The following FAM168B variants were observed in gnomAD, a reference collection of about 807,000 sequenced individuals.
The protein encoded by FAM168B is family with sequence similarity 168 member B.
A neutral mutation model predicts 21.8 loss-of-function variants in FAM168B; 19 were observed. That is an observed-to-expected ratio of 0.87 (90% CI 0.61 to 1.28). FAM168B has a LOEUF of 1.28. Among genes scored for constraint, FAM168B ranks in the 50% most tolerant of loss-of-function variants. The pLI, the probability that FAM168B is intolerant of heterozygous loss-of-function variation, is 0.00. For missense variants in FAM168B, 233 were observed against 263.1 expected, an observed-to-expected ratio of 0.89 and a Z score of 0.79; for synonymous variants, 126 against 104.8, an observed-to-expected ratio of 1.20 and a Z score of -1.24.
chr2:131,061,454 C>T (rs537738101), intron 3 of FAM168B, among the ~76,000 whole-genome samples: 3 of 151,920 alleles, frequency 2.0e-5, no homozygotes, highest in African/African-American at 7.2e-5. Flanking sequence ...GCTGAAAGGG[C>T]CCACGGATCA....
chr2:131,086,340 G>T lies in FAM168B; in HGVS notation c.-11-3683C>A, dbSNP rs1360476532. ...CAAAGGCCACAGAGAAAACAAAATG[G>T]CAAGTCACAATCTCTTCTGAGTTTT... On this transcript the variant is annotated intron_variant, in intron 1 of 6. Coordinates refer to ENST00000389915, the MANE Select transcript of FAM168B (RefSeq NM_001009993.4). 3.9e-5 allele frequency among the ~76,000 whole-genome samples: 6 copies of T among 152,058 alleles called. No homozygotes were observed. In the South Asian group the frequency reaches 6.2e-4, roughly 16 times the overall value.
chr2:131,092,036 T>A (rs532483322), intron 1 of FAM168B, among the ~76,000 whole-genome samples: 20 of 149,136 alleles, frequency 1.3e-4, no homozygotes, highest in Non-Finnish European at 2.4e-4. Flanking sequence ...CCCAGCTACT[T>A]GGGAGGCTGA....
At chr2:131,078,889 G>A (rs1440783698) in intron 2 of FAM168B, among the ~76,000 whole-genome samples, 1 of 151,920 alleles carries the variant, frequency 6.6e-6, no homozygotes, top group East Asian at 1.9e-4. Context: ...GGGAGGCTGA[G>A]GCAGGAGGAT....
In FAM168B at chr2:131,050,015, G is replaced by A; in HGVS notation, c.*2450C>T. On this transcript the variant is annotated 3_prime_UTR_variant, in exon 7 of 7. Coordinates refer to ENST00000389915, the MANE Select transcript of FAM168B (RefSeq NM_001009993.4). ...AAATTTCAAAGTCAGAAAGATTTCT[G>A]CACGGATGTGCAATGCAAACTTATT... 1.0e-5 allele frequency: 10 copies of A among 985,446 alleles called. No individual in the cohort carries two copies. The highest frequency in any genetic ancestry group is 1.2e-5 in the Non-Finnish European group (10 of 829,938). 61.0% of individuals were successfully genotyped at this position (985,446 alleles called of 1,614,324 possible). A position where few individuals can be genotyped will look rare whatever the true frequency, so the allele number is the denominator to read the frequency against.
At chr2:131,076,418 T>C (rs1435731619) in intron 2 of FAM168B, among the ~76,000 whole-genome samples, 2 of 151,884 alleles carry the variant, frequency 1.3e-5, no homozygotes, top group South Asian at 2.1e-4. Context: ...TCCCAGCACT[T>C]TGGGAGGCCG....
chr2:131,055,242 A>G (rs764101499), intron 5 of FAM168B, 30 bp downstream of exon 5: 3 of 1,508,080 alleles, frequency 2.0e-6, no homozygotes, highest in African/African-American at 1.4e-5. Flanking sequence ...GGTACACCAT[A>G]GGACAGACAC....
intron 3 of FAM168B, among the ~76,000 whole-genome samples, chr2:131,056,479 G>C (rs1201944327): frequency 1.3e-5 from 2 of 152,070 alleles, no homozygotes; most frequent in African/African-American, 2.4e-5. Context: ...GCAAACTGCT[G>C]GCCACCAACC....
At chr2:131,076,779 G>T (rs948224716) in intron 2 of FAM168B, among the ~76,000 whole-genome samples, 2 of 152,006 alleles carry the variant, frequency 1.3e-5, no homozygotes, top group African/African-American at 4.8e-5. Context: ...CAAAGGGCTA[G>T]TACACTTAAT....
chr2:131,051,304 T>C lies in FAM168B; in HGVS notation c.*1161A>G, dbSNP rs1691660127. On this transcript the variant is annotated 3_prime_UTR_variant, in exon 7 of 7. Coordinates refer to ENST00000389915, the MANE Select transcript of FAM168B (RefSeq NM_001009993.4). ...ACAGGTTTCTACATTTCCAGACATA[T>C]CCACGGCCCTGCCTTTCTACAAGAA... 3.0e-6 allele frequency: 3 copies of C among 985,312 alleles called. No homozygotes were observed. The highest frequency in any genetic ancestry group is 2.4e-6 in the Non-Finnish European group (2 of 829,926). The allele number at this position is 985,312 out of a possible 1,614,324, so 61.0% of individuals were successfully genotyped here.
In FAM168B at chr2:131,055,301, A is replaced by G. The variant is rs1207349564; in HGVS notation, c.446T>C (p.Val149Ala). The G allele has an allele frequency of 1.9e-6, 3 of 1,583,126 alleles. No homozygotes were observed. In the African/African-American group the frequency reaches 4.1e-5, roughly 22 times the overall value. ...TGACATGGCCATGGTGGTCCCAGCC[A>G]CCATGCCCATGGTGACCCCGTTGCC... Reference protein sequence around the residue: ...PRGNGVTMGMVAGTTMAMSAG... With the variant: ...PRGNGVTMGMAAGTTMAMSAG... Residue 149 changes from valine (V) to alanine (A), a missense_variant, in exon 5 of 7, where the codon GTG (valine) becomes GCG (alanine). Coordinates refer to ENST00000389915, the MANE Select transcript of FAM168B (RefSeq NM_001009993.4).
chr2:131,059,290 C>A (rs1692178624), intron 3 of FAM168B, among the ~76,000 whole-genome samples: 1 of 152,148 alleles, frequency 6.6e-6, no homozygotes, highest in Admixed American at 6.6e-5. Context: ...GGAGTCAGCT[C>A]AGAGAGGGGC....
At chr2:131,065,641 T>C in intron 3 of FAM168B, among the ~76,000 whole-genome samples, 1 of 151,720 alleles carries the variant, frequency 6.6e-6, no homozygotes, top group Admixed American at 6.6e-5. Flanking sequence ...AATACAAAAA[T>C]TAGCCGGCGT....
Position 131,051,119 on chromosome 2 carries a change from G to A in FAM168B, c.*1346C>T. Reference sequence around the variant, plus strand: ...CTGCCTGGCCCTCTCTGCTGTCTGTGCTTGCTTTGTGCCAAGTGCCCTCAG... The same window carrying A: ...CTGCCTGGCCCTCTCTGCTGTCTGTACTTGCTTTGTGCCAAGTGCCCTCAG... On this transcript the variant is annotated 3_prime_UTR_variant, in exon 7 of 7. Transcript: ENST00000389915. 1.0e-6 allele frequency: 1 copy of A among 985,398 alleles called. No homozygotes were observed. The highest frequency in any genetic ancestry group is 1.2e-6 in the Non-Finnish European group (1 of 829,962). The allele number at this position is 985,398 out of a possible 1,614,324, so 61.0% of individuals were successfully genotyped here.
Position 131,085,111 on chromosome 2 carries a change from C to G in FAM168B, c.-11-2454G>C, listed in dbSNP as rs1217675565. 2.0e-5 allele frequency among the ~76,000 whole-genome samples: 3 copies of G among 152,094 alleles called. No individual in the cohort carries two copies. In the South Asian group the frequency reaches 6.2e-4, roughly 32 times the overall value. On this transcript the variant is annotated intron_variant, in intron 1 of 6. Coordinates refer to ENST00000389915, the MANE Select transcript of FAM168B (RefSeq NM_001009993.4). ...GTGGGGGTAGGGGGGTATATGGGAA[C>G]TCTCTGTACCTTCTGCTCAATTTTG...
chr2:131,076,416 C>T (rs1360240921), intron 2 of FAM168B, among the ~76,000 whole-genome samples: 1 of 152,064 alleles, frequency 6.6e-6, no homozygotes, highest in African/African-American at 2.4e-5. Context: ...AATCCCAGCA[C>T]TTTGGGAGGC....
At chr2:131,053,377 AAAG>A (rs1301305194) in intron 5 of FAM168B, among the ~76,000 whole-genome samples, 3 of 152,358 alleles carry the variant, frequency 2.0e-5, no homozygotes, top group Admixed American at 1.3e-4. Flanking sequence ...ATTCTGAAAG[AAAG>A]AAGCCAGTCA....
At chr2:131,070,418 AG>A (rs1692815382) in intron 3 of FAM168B, among the ~76,000 whole-genome samples, 1 of 152,222 alleles carries the variant, frequency 6.6e-6, no homozygotes, top group African/African-American at 2.4e-5. Context: ...AAGGATGTGG[AG>A]GAACGACAAC....
chr2:131,056,199 T>C (rs73962903), intron 3 of FAM168B, among the ~76,000 whole-genome samples: 25,352 of 152,162 alleles, frequency 0.17, 2,482 homozygotes, highest in African/African-American at 0.27. Flanking sequence ...GCACCAGGAC[T>C]GGCTAAGCAC....
chr2:131,078,988 A>G (rs1282948099), intron 2 of FAM168B, among the ~76,000 whole-genome samples: 1 of 147,424 alleles, frequency 6.8e-6, no homozygotes, highest in Non-Finnish European at 1.5e-5. Flanking sequence ...CCCTTTCACA[A>G]AAAAAAAAAA....
Sources: allele counts gnomAD v4.1 joint callset (sites outside exome capture counted in the v4.1 genomes callset), GRCh38; gene constraint gnomAD v4.1.1; transcripts MANE v1.5; gene names NCBI Gene and HGNC (gene_info 2026-07-23, HGNC 2026-07-21).